ARSG: variants seen among roughly 807,000 people sequenced by gnomAD.
ARSG encodes the protein arylsulfatase G, also known as ASG.
Under a neutral mutation model 50.5 loss-of-function variants are expected in ARSG, and 37 were observed. The observed-to-expected ratio is 0.73, with a 90% CI of 0.56 to 0.96. The LOEUF (loss-of-function observed/expected upper bound fraction) is 0.96. Ranked by LOEUF, ARSG falls within the 50% of genes least tolerant of loss-of-function variation. ARSG has a pLI of 0.00. For missense variants in ARSG, 629 were observed against 675.3 expected (o/e 0.93, Z 0.76); for synonymous variants, 225 against 254.6 (o/e 0.88, Z 1.11).
downstream of ARSG, chr17:68,427,663 G>A (rs956623407): frequency 6.1e-6 from 1 of 164,078 alleles, no homozygotes; most frequent in African/African-American, 2.4e-5. Flanking sequence ...AGGATGAGCT[G>A]AAGTGACCTG....
At chr17:68,340,492 G>A (rs982871843) in intron 2 of ARSG, among the ~76,000 whole-genome samples, 1 of 152,060 alleles carries the variant, frequency 6.6e-6, no homozygotes, top group Non-Finnish European at 1.5e-5. Context: ...CGCCATGTTA[G>A]CCAGGCTGGT....
intron 11 of ARSG, among the ~76,000 whole-genome samples, chr17:68,407,883 G>C (rs1380815103): frequency 1.3e-5 from 2 of 152,046 alleles, no homozygotes; most frequent in Non-Finnish European, 2.9e-5. Flanking sequence ...CTCTTGTCTT[G>C]CTCTGGCTAG....
chr17:68,321,185 AAAG>A (rs2077268449), intron 2 of ARSG, among the ~76,000 whole-genome samples: 2 of 152,334 alleles, frequency 1.3e-5, no homozygotes, highest in South Asian at 4.1e-4. Flanking sequence ...CATCTCAAAA[AAAG>A]GAGAAAGAAA....
chr17:68,277,362 C>T (rs1555751307), intron 1 of ARSG, among the ~76,000 whole-genome samples: 1 of 151,964 alleles, frequency 6.6e-6, no homozygotes, highest in Non-Finnish European at 1.5e-5. Flanking sequence ...GAATTCCTGA[C>T]CTCGTGATCC....
chr17:68,322,892 G>T (rs375797981), intron 2 of ARSG, among the ~76,000 whole-genome samples: 1 of 152,172 alleles, frequency 6.6e-6, no homozygotes, highest in Non-Finnish European at 1.5e-5. Flanking sequence ...GTACTAGCAT[G>T]GTCAGGTTTT....
chr17:68,395,568 A>G (rs1417539089), intron 10 of ARSG, among the ~76,000 whole-genome samples: 2 of 152,224 alleles, frequency 1.3e-5, no homozygotes, highest in East Asian at 3.8e-4. Flanking sequence ...AAGGTGAAGC[A>G]TTTGAGATGA....
chr17:68,274,078 GA>G (rs2075432429), intron 1 of ARSG: 2 of 1,611,048 alleles, frequency 1.2e-6, no homozygotes, highest in South Asian at 2.2e-5. Flanking sequence ...GAGCTGCCGG[GA>G]AAGAACAAAA....
chr17:68,334,636 A>G (rs978418727), intron 2 of ARSG, among the ~76,000 whole-genome samples: 2 of 151,912 alleles, frequency 1.3e-5, no homozygotes, highest in African/African-American at 4.8e-5. Flanking sequence ...CGCCTCGTGG[A>G]GTGTAGCAAG....
chr17:68,424,646 C>T (rs745480215), downstream of ARSG: 8 of 388,050 alleles, frequency 2.1e-5, no homozygotes, highest in East Asian at 6.8e-5. Context: ...GAGGCCGAGA[C>T]GAGTGGATCA....
intron 3 of ARSG, among the ~76,000 whole-genome samples, chr17:68,345,377 C>A (rs2078457251): frequency 6.6e-6 from 1 of 152,178 alleles, no homozygotes. Flanking sequence ...CCAGACTCAG[C>A]CCCTATGCTG....
At chr17:68,357,271 C>G (rs2079075082) in intron 6 of ARSG, among the ~76,000 whole-genome samples, 1 of 152,230 alleles carries the variant, frequency 6.6e-6, no homozygotes, top group Non-Finnish European at 1.5e-5. Flanking sequence ...GGCCAGATGT[C>G]TGAAATGAGT....
chr17:68,338,185 T>C (rs1275977823), intron 2 of ARSG, among the ~76,000 whole-genome samples: 1 of 141,920 alleles, frequency 7.0e-6, no homozygotes, highest in Admixed American at 6.8e-5. Flanking sequence ...TATTTGAAGA[T>C]GTGTGTGTGT....
intron 9 of ARSG, among the ~76,000 whole-genome samples, chr17:68,386,171 A>G (rs2080715286): frequency 6.6e-6 from 1 of 152,184 alleles, no homozygotes. Flanking sequence ...CTATGGAACC[A>G]TGACTTATCC....
chr17:68,317,930 C>G (rs534705558), intron 2 of ARSG, among the ~76,000 whole-genome samples: 2 of 152,266 alleles, frequency 1.3e-5, no homozygotes, highest in South Asian at 4.1e-4. Flanking sequence ...GAAACCCCGT[C>G]TCTACTAAAA....
Position 68,274,114 on chromosome 17 carries a change from C to T in ARSG, c.-552+14688C>T, listed in dbSNP as rs200242857. On this transcript the variant is annotated intron_variant, in intron 1 of 11. Coordinates refer to the ARSG transcript ENST00000448504. ...ACGATATTTTAACTCACAGAGGCTT[C>T]AGGGTTAGCTGCCATAAGACTCCTT... The T allele has an allele frequency of 1.7e-4, 264 of 1,595,500 alleles. 2 individuals carry two copies. The Admixed American group carries it at 1.9e-3, about 11-fold the overall frequency.
intron 9 of ARSG, among the ~76,000 whole-genome samples, chr17:68,387,079 TCACACACACA>T (rs72320984): frequency 0.023 from 3,364 of 146,372 alleles, 101 homozygotes; most frequent in African/African-American, 0.069. Flanking sequence ...ATATAGTGTA[TCACACACACA>T]CACACACACA....
chr17:68,426,664 C>T (rs2067493499), downstream of ARSG, among the ~76,000 whole-genome samples: 2 of 152,154 alleles, frequency 1.3e-5, no homozygotes, highest in Non-Finnish European at 2.9e-5. Context: ...TCCGGAGTAG[C>T]TGGGATTGCA....
chr17:68,363,965 A>G (rs1205283851), intron 6 of ARSG, among the ~76,000 whole-genome samples: 1 of 152,108 alleles, frequency 6.6e-6, no homozygotes, highest in Non-Finnish European at 1.5e-5. Context: ...GTGGGCTGAG[A>G]GCTGCAGGTG....
intron 2 of ARSG, among the ~76,000 whole-genome samples, chr17:68,314,613 A>G (rs940495933): frequency 1.3e-5 from 2 of 151,958 alleles, no homozygotes; most frequent in African/African-American, 4.8e-5. Context: ...AGGCTGAAGC[A>G]CACGGATCCC....
Sources: allele counts gnomAD v4.1 joint callset (sites outside exome capture counted in the v4.1 genomes callset), GRCh38; gene constraint gnomAD v4.1.1; transcripts MANE v1.5; gene names NCBI Gene and HGNC (gene_info 2026-07-23, HGNC 2026-07-21).